PCDH9: variants seen among roughly 807,000 people sequenced by gnomAD.
PCDH9 encodes protocadherin 9, also known as protocadherin-9.
Under a neutral mutation model 70.6 loss-of-function variants are expected in PCDH9, and 24 were observed. That is an observed-to-expected ratio of 0.34 (90% CI 0.25 to 0.48). The LOEUF (loss-of-function observed/expected upper bound fraction) is 0.48, where lower values mean the gene tolerates loss of function less well. Ranked by LOEUF, PCDH9 falls within the 20% of genes least tolerant of loss-of-function variation. The pLI is 0.99. For synonymous variants in PCDH9, 562 were observed against 558.5 expected (o/e 1.01, Z -0.09); for missense variants, 1,281 against 1,503.6 (o/e 0.85, Z 2.45).
At chr13:66,469,936 T>C (rs1407964272) in intron 4 of PCDH9, among the ~76,000 whole-genome samples, 1 of 152,194 alleles carries the variant, frequency 6.6e-6, no homozygotes, top group African/African-American at 2.4e-5. Context: ...TCAAAGCTAA[T>C]GGCAGAGTGG....
At chr13:66,466,375 G>A (rs936631970) in intron 4 of PCDH9, among the ~76,000 whole-genome samples, 8 of 151,940 alleles carry the variant, frequency 5.3e-5, no homozygotes, top group Non-Finnish European at 7.4e-5. Flanking sequence ...TTTGTGTCAC[G>A]AATCTCTTAT....
At chr13:66,336,083 CAAAT>C (rs1248683553) in intron 4 of PCDH9, among the ~76,000 whole-genome samples, 1 of 151,924 alleles carries the variant, frequency 6.6e-6, no homozygotes, top group African/African-American at 2.4e-5. Context: ...AGAAACCTTC[CAAAT>C]AAATGAGATA....
rs971384851 is a variant in PCDH9 at position 66,667,897 on chromosome 13, A to T, written c.3139-36486T>A. On this transcript the variant is annotated intron_variant, in intron 3 of 4. Transcript: ENST00000377865. ...TAAGTAGTGGGGAAAAAACCTGCAA[A>T]TGTGTTCATGAAGCATAGATTTAAA... Among the ~76,000 whole-genome samples the T allele has an allele frequency of 6.6e-5, 10 of 152,274 alleles. No homozygotes were observed. The East Asian group carries it at 1.9e-3, about 29-fold the overall frequency.
chr13:66,712,505 G>C (rs9571634), intron 3 of PCDH9, among the ~76,000 whole-genome samples: 18,769 of 151,860 alleles, frequency 0.12, 1,278 homozygotes, highest in African/African-American at 0.17. Context: ...ATAGGCATGA[G>C]AAAATTTAAA....
chr13:66,360,515 T>C (rs1956452194), intron 4 of PCDH9, among the ~76,000 whole-genome samples: 1 of 152,158 alleles, frequency 6.6e-6, no homozygotes, highest in South Asian at 2.1e-4. Flanking sequence ...TGAATGTTAA[T>C]TAAAGGAGAC....
intron 4 of PCDH9, among the ~76,000 whole-genome samples, chr13:66,519,804 C>T (rs1959907130): frequency 6.6e-6 from 1 of 152,102 alleles, no homozygotes; most frequent in Non-Finnish European, 1.5e-5. Context: ...CAGCTCTCGG[C>T]CATTGGAAAA....
At chr13:67,033,540 T>C (rs1276725925) in intron 2 of PCDH9, among the ~76,000 whole-genome samples, 1 of 152,172 alleles carries the variant, frequency 6.6e-6, no homozygotes, top group Non-Finnish European at 1.5e-5. Context: ...TCAGGGTATG[T>C]TGCTTTACGT....
intron 2 of PCDH9, among the ~76,000 whole-genome samples, chr13:67,175,954 A>AT (rs2088440358): frequency 6.6e-6 from 1 of 152,104 alleles, no homozygotes; most frequent in Admixed American, 6.6e-5. Flanking sequence ...ATTAAAAAAA[A>AT]AAAACTGGTC....
intron 3 of PCDH9, among the ~76,000 whole-genome samples, chr13:66,778,133 G>C (rs561216193): frequency 6.0e-5 from 8 of 133,658 alleles, no homozygotes; most frequent in East Asian, 2.4e-4. Flanking sequence ...GGACTGTTGT[G>C]GGGTGGGGGG....
At chr13:66,486,397 C>T (rs566250508) in intron 4 of PCDH9, among the ~76,000 whole-genome samples, 3 of 152,050 alleles carry the variant, frequency 2.0e-5, no homozygotes, top group Admixed American at 1.3e-4. Flanking sequence ...GTCAAGGCTT[C>T]GGTGAGCTGT....
chr13:66,405,488 T>G (rs938293041), intron 4 of PCDH9, among the ~76,000 whole-genome samples: 1 of 152,174 alleles, frequency 6.6e-6, no homozygotes, highest in African/African-American at 2.4e-5. Context: ...AAGGAGAACA[T>G]AAAGTGTTTT....
intron 3 of PCDH9, among the ~76,000 whole-genome samples, chr13:66,644,149 C>A (rs913180092): frequency 6.6e-6 from 1 of 151,666 alleles, no homozygotes; most frequent in African/African-American, 2.4e-5. Flanking sequence ...TTAGAGTCAA[C>A]AATTGCTTAA....
intron 3 of PCDH9, among the ~76,000 whole-genome samples, chr13:66,699,759 TTGG>T (rs2078612951): frequency 6.6e-6 from 1 of 152,174 alleles, no homozygotes; most frequent in African/African-American, 2.4e-5. Context: ...AGATACTCAG[TTGG>T]TGGTCATTTG....
chr13:67,089,402 G>T (rs570615555), intron 2 of PCDH9, among the ~76,000 whole-genome samples: 3 of 152,000 alleles, frequency 2.0e-5, no homozygotes, highest in African/African-American at 7.2e-5. Flanking sequence ...CTGAAGTAGC[G>T]TAAGACTCCA....
chr13:67,064,738 A>T (rs2085607880), intron 2 of PCDH9, among the ~76,000 whole-genome samples: 1 of 152,272 alleles, frequency 6.6e-6, no homozygotes, highest in Non-Finnish European at 1.5e-5. Flanking sequence ...CAAAAGATGG[A>T]ATTTGTTGAC....
intron 4 of PCDH9, among the ~76,000 whole-genome samples, chr13:66,558,763 A>G (rs1440562046): frequency 6.6e-6 from 1 of 151,900 alleles, no homozygotes; most frequent in Non-Finnish European, 1.5e-5. Flanking sequence ...CCTTCAGACC[A>G]CTCTGGATGC....
In PCDH9 at chr13:66,825,907, A is replaced by G. The variant is rs921200796; in HGVS notation, c.3138+77597T>C. Among the ~76,000 whole-genome samples, 18 of 152,298 alleles carry G rather than the reference A, an allele frequency of 1.2e-4. No homozygotes were observed. The East Asian group carries it at 2.1e-3, about 18-fold the overall frequency. ...GTTATTCCTAATTTTTTTAAAAAAG[A>G]ATGATAGTTTTTTTTGCATATTGAT... On this transcript the variant is annotated intron_variant, in intron 3 of 4. Coordinates refer to ENST00000377865, the MANE Select transcript of PCDH9 (RefSeq NM_203487.3).
intron 2 of PCDH9, among the ~76,000 whole-genome samples, chr13:67,137,364 C>T (rs938596198): frequency 2.6e-5 from 4 of 152,204 alleles, no homozygotes; most frequent in Admixed American, 6.5e-5. Flanking sequence ...GTAAGCTCAA[C>T]GGAATGTACC....
At chr13:66,802,333 CTG>C (rs2080340028) in intron 3 of PCDH9, among the ~76,000 whole-genome samples, 1 of 151,938 alleles carries the variant, frequency 6.6e-6, no homozygotes, top group South Asian at 2.1e-4. Context: ...ACATATAAGG[CTG>C]TTGATTCATA....
Sources: gnomAD v4.1 joint callset for allele counts (sites outside exome capture counted in the v4.1 genomes callset) on GRCh38, gnomAD v4.1.1 for gene constraint, MANE v1.5 for transcripts, NCBI Gene and HGNC (gene_info 2026-07-23, HGNC 2026-07-21) for gene names.